Variants in CDH12 observed in about 807,000 individuals in gnomAD.
The protein encoded by CDH12 is cadherin 12.
In CDH12, 41 loss-of-function variants were observed where a neutral mutation model predicts 74.1. The ratio of observed to expected loss-of-function variants is 0.55; its 90% CI spans 0.43 to 0.72. The LOEUF is 0.72. Among genes scored for constraint, CDH12 ranks in the 30% least tolerant of loss-of-function variants. The probability of loss-of-function intolerance (pLI) is 0.00; values close to 1 mark genes in which losing one functional copy is unlikely to be tolerated. For synonymous variants in CDH12, 399 were observed against 355.0 expected (o/e 1.12, Z -1.39); for missense variants, 945 against 977.2 (o/e 0.97, Z 0.44).
At chr5:22,186,258 C>T (rs1749940514) in intron 4 of CDH12, among the ~76,000 whole-genome samples, 2 of 152,174 alleles carry the variant, frequency 1.3e-5, no homozygotes, top group Non-Finnish European at 1.5e-5. Context: ...TAACTATTGT[C>T]ATTCAGTAAA....
chr5:22,343,612 G>A (rs1294661151), intron 3 of CDH12, among the ~76,000 whole-genome samples: 1 of 152,008 alleles, frequency 6.6e-6, no homozygotes, highest in African/African-American at 2.4e-5. Flanking sequence ...GAGAGATGGG[G>A]TTTCACTGTG....
intron 2 of CDH12, among the ~76,000 whole-genome samples, chr5:22,501,718 A>AT (rs1736154703): frequency 6.7e-6 from 1 of 150,014 alleles, no homozygotes; most frequent in Non-Finnish European, 1.5e-5. Context: ...TTACCAAATG[A>AT]TTTTTAGTTA....
At chr5:22,572,574 A>G (rs960724959) in intron 1 of CDH12, among the ~76,000 whole-genome samples, 4 of 152,090 alleles carry the variant, frequency 2.6e-5, no homozygotes, top group African/African-American at 9.7e-5. Flanking sequence ...ACTCATTTTA[A>G]AACTGTCTAA....
chr5:22,080,500 T>C (rs556629380), intron 4 of CDH12, among the ~76,000 whole-genome samples: 37 of 152,154 alleles, frequency 2.4e-4, no homozygotes, highest in Non-Finnish European at 3.1e-4. Context: ...CCGTAAGTTG[T>C]CTTTTTTTGC....
chr5:22,721,051 CAATGGGGAAAAT>C (rs1224120038), intron 1 of CDH12, among the ~76,000 whole-genome samples: 1 of 152,236 alleles, frequency 6.6e-6, no homozygotes, highest in Admixed American at 6.5e-5. Context: ...ATAGCCAAGA[CAATGGGGAAAAT>C]GTCTCCAGGG....
intron 5 of CDH12, among the ~76,000 whole-genome samples, chr5:22,047,535 C>G (rs906667326): frequency 6.6e-6 from 1 of 151,892 alleles, no homozygotes; most frequent in South Asian, 2.1e-4. Flanking sequence ...CACCCCCCCC[C>G]ACATCCATTG....
At chr5:22,626,955 C>A (rs1039752470) in intron 1 of CDH12, among the ~76,000 whole-genome samples, 1 of 152,088 alleles carries the variant, frequency 6.6e-6, no homozygotes, top group Non-Finnish European at 1.5e-5. Context: ...TTTCATAATA[C>A]AATTGCAAGT....
intron 6 of CDH12, among the ~76,000 whole-genome samples, chr5:21,913,813 T>A (rs1753968920): frequency 6.6e-6 from 1 of 151,978 alleles, no homozygotes; most frequent in Non-Finnish European, 1.5e-5. Flanking sequence ...GTAGTCCCTG[T>A]AGTGGGACTA....
At chr5:22,289,102 A>G (rs932390466) in intron 3 of CDH12, among the ~76,000 whole-genome samples, 7 of 152,184 alleles carry the variant, frequency 4.6e-5, no homozygotes, top group African/African-American at 1.7e-4. Context: ...ATTCCAGAGG[A>G]TAAAGGAATA....
chr5:22,167,025 T>G (rs940246070), intron 4 of CDH12, among the ~76,000 whole-genome samples: 11 of 152,148 alleles, frequency 7.2e-5, no homozygotes, highest in African/African-American at 2.4e-4. Flanking sequence ...GAAAAGAAAA[T>G]AAGTGTTTTC....
At chr5:21,752,534 T>C (rs1396324757) in intron 14 of CDH12, among the ~76,000 whole-genome samples, 1 of 152,194 alleles carries the variant, frequency 6.6e-6, no homozygotes, top group East Asian at 1.9e-4. Context: ...AAATAGTAGT[T>C]CTTCCACTCA....
intron 5 of CDH12, among the ~76,000 whole-genome samples, chr5:22,034,827 T>C (rs1009260597): frequency 1.3e-5 from 2 of 152,280 alleles, no homozygotes; most frequent in Middle Eastern, 3.4e-3. Flanking sequence ...GTCTAGAATA[T>C]AGATCCTGAT....
intron 3 of CDH12, among the ~76,000 whole-genome samples, chr5:22,343,610 G>A (rs1490370392): frequency 6.6e-6 from 1 of 151,974 alleles, no homozygotes; most frequent in South Asian, 2.1e-4. Context: ...TGGAGAGATG[G>A]GGTTTCACTG....
At chr5:22,146,940 A>T (rs1411391837) in intron 4 of CDH12, among the ~76,000 whole-genome samples, 2 of 151,546 alleles carry the variant, frequency 1.3e-5, no homozygotes, top group Non-Finnish European at 3.0e-5. Context: ...GGATCAGCTT[A>T]GCCATTACCT....
chr5:22,244,938 G>A (rs896947972), intron 3 of CDH12, among the ~76,000 whole-genome samples: 2 of 152,022 alleles, frequency 1.3e-5, no homozygotes, highest in Admixed American at 1.3e-4. Flanking sequence ...GACAAACTAC[G>A]CAGGTATCTA....
intron 1 of CDH12, among the ~76,000 whole-genome samples, chr5:22,818,502 T>A (rs1348898747): frequency 1.3e-5 from 2 of 152,176 alleles, no homozygotes; most frequent in Non-Finnish European, 2.9e-5. Flanking sequence ...TATGTGTGTT[T>A]GTGTGCAAAT....
chr5:21,877,533 A>G (rs1438612724), intron 6 of CDH12, among the ~76,000 whole-genome samples: 1 of 152,212 alleles, frequency 6.6e-6, no homozygotes, highest in Non-Finnish European at 1.5e-5. Context: ...CTAAGAAAAT[A>G]CTTTTGATCA....
chr5:22,778,255 G>T (rs1747205155), intron 1 of CDH12, among the ~76,000 whole-genome samples: 1 of 152,100 alleles, frequency 6.6e-6, no homozygotes, highest in Admixed American at 6.6e-5. Context: ...AGCCTTGTGG[G>T]CTTGCTACTA....
chr5:22,486,231 G>A (rs1179495984), intron 2 of CDH12, among the ~76,000 whole-genome samples: 1 of 152,098 alleles, frequency 6.6e-6, no homozygotes, highest in Non-Finnish European at 1.5e-5. Flanking sequence ...CTCAGAAATT[G>A]TCACCTTTCC....
Sources: allele counts gnomAD v4.1 joint callset (sites outside exome capture counted in the v4.1 genomes callset), GRCh38; gene constraint gnomAD v4.1.1; transcripts MANE v1.5; gene names NCBI Gene and HGNC (gene_info 2026-07-23, HGNC 2026-07-21).